The following SIPA1L3 variants were observed in gnomAD, a reference collection of about 807,000 sequenced individuals.
SIPA1L3 encodes the protein signal induced proliferation associated 1 like 3.
Under a neutral mutation model 150.1 loss-of-function variants are expected in SIPA1L3, and 59 were observed. That is an observed-to-expected ratio of 0.39 (90% CI 0.32 to 0.49). SIPA1L3 has a LOEUF of 0.49. SIPA1L3 is among the 20% of genes least tolerant of loss of function. The pLI, the probability that SIPA1L3 is intolerant of heterozygous loss-of-function variation, is 0.86. For missense variants in SIPA1L3, 2,211 were observed against 2,489.5 expected, an observed-to-expected ratio of 0.89 and a Z score of 2.38; for synonymous variants, 1,070 against 1,077.6, an observed-to-expected ratio of 0.99 and a Z score of 0.14.
rs1315930228 is a variant in SIPA1L3, at chr19:38,048,000, G to A, written c.-311+18844G>A. 6.6e-6 allele frequency among the ~76,000 whole-genome samples: 1 copy of A among 152,198 alleles called. No homozygotes were observed. The highest frequency in any genetic ancestry group is 2.4e-5 in the African/African-American group (1 of 41,454). On this transcript the variant is annotated intron_variant, in intron 2 of 21. Transcript: ENST00000222345. This position sits in a 1 kb window ranked among gnomAD's most constrained non-coding sequence, Gnocchi z 4.7. ...TGACCCACTGCAGAGGGTTTCCTGA[G>A]CTCTCGTGCACAGAGAATCGTGCGT...
At chr19:38,019,650 C>G (rs988338894) in intron 1 of SIPA1L3, among the ~76,000 whole-genome samples, 3 of 152,168 alleles carry the variant, frequency 2.0e-5, no homozygotes, top group Admixed American at 6.5e-5. Flanking sequence ...AGCTTCTGCC[C>G]ATTGGCCTGG....
At chr19:37,915,898 A>G (rs1263596283) in intron 1 of SIPA1L3, among the ~76,000 whole-genome samples, 6 of 151,978 alleles carry the variant, frequency 3.9e-5, no homozygotes, top group Non-Finnish European at 8.8e-5. Flanking sequence ...TTTAAGACTA[A>G]AAATATTGGG....
intron 9 of SIPA1L3, among the ~76,000 whole-genome samples, chr19:38,121,688 G>A (rs1971023243): frequency 6.6e-6 from 1 of 152,032 alleles, no homozygotes; most frequent in Non-Finnish European, 1.5e-5. Context: ...GCAGTGAGCC[G>A]AGACCCTGCC....
At chr19:38,147,733 C>G (rs1325787670) in intron 12 of SIPA1L3, among the ~76,000 whole-genome samples, 15 of 151,452 alleles carry the variant, frequency 9.9e-5, no homozygotes, top group Non-Finnish European at 2.1e-4. Flanking sequence ...TTTCTGGGTT[C>G]CATTGATCTA....
rs1234844249 is a variant in SIPA1L3, at chr19:38,141,192, C to T, written c.3152C>T (p.Pro1051Leu). Residue 1051 changes from proline to leucine, a missense_variant, in exon 11 of 22, where the codon CCG (proline) becomes CTG (leucine). Physicochemically the swap from Pro to Leu is moderately conservative, Grantham distance 98. Coordinates refer to ENST00000222345, the MANE Select transcript of SIPA1L3 (RefSeq NM_015073.3). ...FEDGTPRRGW[P>L]ETYDMNTSEP... is the part of the protein sequence containing the mutation. ...GCAGTTTTTCTCCCCAGGGGTTGGC[C>T]GGAGACCTACGACATGAATACCTCG... 5.0e-6 allele frequency: 8 copies of T among 1,591,844 alleles called. No individual in the cohort carries two copies. The South Asian group carries it at 5.7e-5, about 11-fold the overall frequency.
chr19:38,008,042 A>G (rs1208382215), intron 1 of SIPA1L3, among the ~76,000 whole-genome samples: 1 of 152,044 alleles, frequency 6.6e-6, no homozygotes, highest in Non-Finnish European at 1.5e-5. Context: ...TCATGAGTGC[A>G]TGTTGAATGA....
At chr19:38,158,383 A>G (rs1223680040) in intron 13 of SIPA1L3, among the ~76,000 whole-genome samples, 2 of 152,226 alleles carry the variant, frequency 1.3e-5, no homozygotes, top group African/African-American at 4.8e-5. Flanking sequence ...GTGAACAGCT[A>G]GTTGGAGACC....
chr19:38,172,081 A>G (rs1447811405), intron 15 of SIPA1L3, among the ~76,000 whole-genome samples: 31 of 152,152 alleles, frequency 2.0e-4, no homozygotes, highest in Admixed American at 2.0e-3. Flanking sequence ...ACAGGAGGCA[A>G]AGTCTCTGAG....
intron 13 of SIPA1L3, among the ~76,000 whole-genome samples, chr19:38,162,042 G>T (rs1972100724): frequency 6.6e-6 from 1 of 152,184 alleles, no homozygotes; most frequent in Admixed American, 6.5e-5. Context: ...AGGGAAATGG[G>T]ATATTGCACG....
At chr19:37,963,534 G>C (rs557570668) in intron 1 of SIPA1L3, among the ~76,000 whole-genome samples, 4 of 152,234 alleles carry the variant, frequency 2.6e-5, no homozygotes, top group Non-Finnish European at 4.4e-5. Context: ...GGCTTGCTCT[G>C]CCTTGGTCAA....
At chr19:37,973,603 GAGA>G (rs1967000172) in intron 1 of SIPA1L3, among the ~76,000 whole-genome samples, 1 of 80,268 alleles carries the variant, frequency 1.2e-5, no homozygotes, top group African/African-American at 8.1e-5. Context: ...TCAGCACTCT[GAGA>G]GTGCTGCTCG....
At chr19:38,058,274 C>T (rs1477558342) in intron 2 of SIPA1L3, among the ~76,000 whole-genome samples, 4 of 152,120 alleles carry the variant, frequency 2.6e-5, no homozygotes, top group East Asian at 1.9e-4. Flanking sequence ...TCACATCCAG[C>T]GAGGGTCATA....
chr19:38,197,384 G>T (rs1972983640), intron 18 of SIPA1L3, among the ~76,000 whole-genome samples: 1 of 152,032 alleles, frequency 6.6e-6, no homozygotes, highest in Non-Finnish European at 1.5e-5. Flanking sequence ...AGCCGCAGCA[G>T]GTGCGAGTGC....
intron 2 of SIPA1L3, among the ~76,000 whole-genome samples, chr19:38,037,419 C>T (rs1269471414): frequency 1.3e-5 from 2 of 152,150 alleles, no homozygotes; most frequent in Non-Finnish European, 2.9e-5. Context: ...CTTGACTCTG[C>T]GAAGGAACTG....
intron 4 of SIPA1L3, among the ~76,000 whole-genome samples, chr19:38,096,699 G>A (rs1970387471): frequency 6.6e-6 from 1 of 152,192 alleles, no homozygotes. Context: ...GTGGCTACAA[G>A]CATGAGCTGG....
intron 1 of SIPA1L3, among the ~76,000 whole-genome samples, chr19:37,974,513 CAAAAAAAAAAA>C (rs11359136): frequency 7.6e-6 from 1 of 131,526 alleles, no homozygotes; most frequent in Non-Finnish European, 1.7e-5. Flanking sequence ...GACCGTGTCT[CAAAAAAAAAAA>C]AAAAAGTATT....
At chr19:38,057,816 TTTTTTTA>T (rs200517020) in intron 2 of SIPA1L3, among the ~76,000 whole-genome samples, 15,124 of 151,440 alleles carry the variant, frequency 0.1, 882 homozygotes, top group Non-Finnish European at 0.13. Flanking sequence ...CTGGCTAATT[TTTTTTTA>T]TTTTTTATTT....
At chr19:38,198,150 G>T (rs892468534) in intron 18 of SIPA1L3, among the ~76,000 whole-genome samples, 1 of 152,150 alleles carries the variant, frequency 6.6e-6, no homozygotes, top group Non-Finnish European at 1.5e-5. Context: ...CAGGTAATCC[G>T]CCTGGTGCAC....
intron 1 of SIPA1L3, among the ~76,000 whole-genome samples, chr19:37,914,882 C>T (rs761710173): frequency 6.6e-6 from 1 of 152,170 alleles, no homozygotes; most frequent in Non-Finnish European, 1.5e-5. Context: ...CTAAGCATTT[C>T]ACACATTCCT....
Sources: gnomAD v4.1 joint callset for allele counts (sites outside exome capture counted in the v4.1 genomes callset) on GRCh38, gnomAD v4.1.1 for gene constraint, Gnocchi (gnomAD v3.1) non-coding constraint, MANE v1.5 for transcripts, NCBI Gene and HGNC (gene_info 2026-07-23, HGNC 2026-07-21) for gene names.